The following CD8B variants were observed in gnomAD, a reference collection of about 807,000 sequenced individuals.
The protein encoded by CD8B is T-cell surface glycoprotein CD8 beta chain.
In CD8B, 6 loss-of-function variants were observed where a neutral mutation model predicts 24.2. The ratio of observed to expected loss-of-function variants is 0.25; its 90% CI spans 0.14 to 0.49. CD8B has a LOEUF of 0.49. CD8B is among the 20% of genes least tolerant of loss of function. The pLI is 0.98. For synonymous variants in CD8B, 84 were observed against 108.3 expected, an observed-to-expected ratio of 0.78 and a Z score of 1.39; for missense variants, 196 against 271.3, an observed-to-expected ratio of 0.72 and a Z score of 1.95.
At chr2:86,861,749 A>G (rs1445631612) in intron 1 of CD8B, 74 bp downstream of exon 1, 15 of 1,127,694 alleles carry the variant, frequency 1.3e-5, no homozygotes, top group Non-Finnish European at 1.5e-5. Context: ...CAGGGCCAGG[A>G]CAGCCACTTA....
chr2:86,831,726 C>T (rs1674911855), intron 5 of CD8B, among the ~76,000 whole-genome samples: 1 of 152,132 alleles, frequency 6.6e-6, no homozygotes, highest in African/African-American at 2.4e-5. Flanking sequence ...CTGAAGCTCC[C>T]CTGCCCCAGG....
intron 2 of CD8B, among the ~76,000 whole-genome samples, chr2:86,857,415 C>G (rs1676320943): frequency 6.6e-6 from 1 of 152,196 alleles, no homozygotes; most frequent in Non-Finnish European, 1.5e-5. Context: ...ACTGCCCTGT[C>G]CCCATAAGAA....
intron 5 of CD8B, among the ~76,000 whole-genome samples, chr2:86,830,722 G>C (rs913547024): frequency 1.3e-5 from 2 of 152,150 alleles, no homozygotes; most frequent in South Asian, 4.1e-4. Context: ...AGAATGGTGG[G>C]ACCAGCCTGG....
intron 3 of CD8B, among the ~76,000 whole-genome samples, chr2:86,849,103 C>A (rs1376956203): frequency 6.6e-6 from 1 of 152,382 alleles, no homozygotes; most frequent in Non-Finnish European, 1.5e-5. Flanking sequence ...CAAGGTCACC[C>A]AGCTACTAAA....
Position 86,841,620 on chromosome 2 carries a change from A to T in CD8B, c.*687T>A. The T allele has an allele frequency of 1.0e-6, 1 of 984,462 alleles. No individual in the cohort carries two copies. Among genetic ancestry groups the T allele is most frequent in the Non-Finnish European group, 1.2e-6 (1 of 829,070 alleles). 61.0% of individuals were successfully genotyped at this position (984,462 alleles called of 1,614,324 possible). On this transcript the variant is annotated 3_prime_UTR_variant, in exon 6 of 6. Coordinates refer to ENST00000390655, the MANE Select transcript of CD8B (RefSeq NM_004931.5). Reference sequence around the variant, plus strand: ...ACCTGGGACTTTATTTGTACAACTAAGACATTTGTATAAAACAAACAGAAA... The same window carrying T: ...ACCTGGGACTTTATTTGTACAACTATGACATTTGTATAAAACAAACAGAAA...
chr2:86,839,371 TCTTTGTGCATGC>T lies in CD8B; in HGVS notation c.*2924_*2935del, dbSNP rs1675313638. On this transcript the variant is annotated 3_prime_UTR_variant, in exon 6 of 6. Transcript: ENST00000390655. The stretch of plus-strand genomic sequence containing the variant: ...TAGAAGGAACAATCTGATGCGTATT[TCTTTGTGCATGC>T]CACTTTTTGATGTATTTCTTTCAGA... Among the ~76,000 whole-genome samples, 2 of 152,238 alleles carry T rather than the reference TCTTTGTGCATGC, an allele frequency of 1.3e-5. No individual in the cohort carries two copies. The highest frequency in any genetic ancestry group is 2.4e-5 in the African/African-American group (1 of 41,466).
intron 5 of CD8B, chr2:86,822,339 A>G (rs1178615479): frequency 6.3e-6 from 10 of 1,589,190 alleles, no homozygotes; most frequent in African/African-American, 2.7e-5. Flanking sequence ...TCAGTAGTCC[A>G]TTCTGGAACA....
At chr2:86,815,478 C>T, downstream of CD8B, 1 of 680,052 alleles carries the variant, frequency 1.5e-6, no homozygotes, top group East Asian at 2.6e-5. Context: ...AGAACTTGAG[C>T]CCCCTATGAC....
chr2:86,842,429 C>G lies in CD8B; in HGVS notation c.621-110G>C. 6 of 1,433,644 alleles carry G rather than the reference C, an allele frequency of 4.2e-6. No individual in the cohort carries two copies. The South Asian group carries it at 7.1e-5, about 17-fold the overall frequency. 88.8% of individuals were successfully genotyped at this position (1,433,644 alleles called of 1,614,324 possible). On this transcript the variant is annotated intron_variant, in intron 5 of 5. Coordinates refer to ENST00000390655, the MANE Select transcript of CD8B (RefSeq NM_004931.5). ...GAATGCAGAGTTCTACTCCAAGTAG[C>G]CTGGGGCCGAGAGTTTTTTGTTAGT...
intron 5 of CD8B, among the ~76,000 whole-genome samples, chr2:86,822,775 C>T (rs149041244): frequency 6.6e-6 from 1 of 152,094 alleles, no homozygotes; most frequent in African/African-American, 2.4e-5. Context: ...AGTGCAAAGC[C>T]ACACTCCACT....
intron 3 of CD8B, among the ~76,000 whole-genome samples, chr2:86,848,120 CT>C (rs1675775619): frequency 6.6e-6 from 1 of 152,114 alleles, no homozygotes; most frequent in Non-Finnish European, 1.5e-5. Flanking sequence ...ACAAAGGCAC[CT>C]TCCTGAGGTA....
At chr2:86,823,877 A>G (rs1674577302) in intron 5 of CD8B, among the ~76,000 whole-genome samples, 1 of 152,060 alleles carries the variant, frequency 6.6e-6, no homozygotes, top group Non-Finnish European at 1.5e-5. Context: ...GACAGGCTGC[A>G]TGTTTGTAGG....
chr2:86,833,176 T>C (rs546190678), downstream of CD8B, among the ~76,000 whole-genome samples: 2 of 151,476 alleles, frequency 1.3e-5, no homozygotes, highest in African/African-American at 4.8e-5. Context: ...ACTCTGGCAG[T>C]GTTGCCAAGT....
chr2:86,853,164 C>T (rs945682337), intron 2 of CD8B, 78 bp from the exon 3 acceptor site: 62 of 1,547,504 alleles, frequency 4.0e-5, no homozygotes, highest in Non-Finnish European at 5.2e-5. Flanking sequence ...TGTCTTATGG[C>T]GGGTGCGGTG....
In CD8B at chr2:86,858,150, T is replaced by C; in HGVS notation, c.310A>G (p.Thr104Ala). 6.2e-7 allele frequency: 1 copy of C among 1,609,554 alleles called. No homozygotes were observed. Residue 104 changes from threonine (T) to alanine (A), a missense_variant, in exon 2 of 6, where the codon ACA becomes GCA. Coordinates refer to ENST00000390655, the MANE Select transcript of CD8B (RefSeq NM_004931.5). The part of the protein sequence containing the change: ...RDASRFILNL[T>A]SVKPEDSGIY... ...CCACTGTCTTCCGGCTTCACGCTTG[T>C]GAGATTGAGAATGAACCGGCTTGCA...
rs2104582953 is a variant in CD8B at position 86,858,190 on chromosome 2, T to C, written c.270A>G (p.Ile90Met). ...IHGEEVEQEK[I>M]AVFRDASRFI... ...ACCGGCTTGCATCCCGAAACACAGC[T>C]ATCTTCTCCTGTTCCACCTCTTCAC... Residue 90 changes from isoleucine to methionine, a missense_variant, in exon 2 of 6, where the codon ATA becomes ATG. Physicochemically the swap from Ile to Met is conservative, Grantham distance 10. Transcript: ENST00000390655. 2 of 1,614,040 alleles carry C rather than the reference T, an allele frequency of 1.2e-6. No individual in the cohort carries two copies. The highest frequency in any genetic ancestry group is 2.2e-5 in the East Asian group (1 of 44,882).
chr2:86,826,308 C>A (rs78161412), intron 5 of CD8B, among the ~76,000 whole-genome samples: 1 of 152,038 alleles, frequency 6.6e-6, no homozygotes. Flanking sequence ...ATAATGCCCA[C>A]GAGCTCCTCT....
intron 3 of CD8B, among the ~76,000 whole-genome samples, chr2:86,852,552 T>C (rs1011532190): frequency 6.6e-6 from 1 of 151,906 alleles, no homozygotes; most frequent in Non-Finnish European, 1.5e-5. Context: ...CAGAGGATCA[T>C]ATGCTGGATA....
downstream of CD8B, among the ~76,000 whole-genome samples, chr2:86,836,907 G>A (rs559389231): frequency 1.1e-4 from 17 of 152,146 alleles, no homozygotes; most frequent in East Asian, 3.3e-3. Context: ...TGTAATCCCA[G>A]GACTTTGGGA....
Sources: allele counts gnomAD v4.1 joint callset (sites outside exome capture counted in the v4.1 genomes callset), GRCh38; gene constraint gnomAD v4.1.1; transcripts MANE v1.5; gene names NCBI Gene and HGNC (gene_info 2026-07-23, HGNC 2026-07-21).